Variants in CACNA2D3 observed in about 807,000 individuals in gnomAD.
CACNA2D3 encodes the protein calcium voltage-gated channel auxiliary subunit alpha2delta 3.
A neutral mutation model predicts 160.6 loss-of-function variants in CACNA2D3; 60 were observed. The observed-to-expected ratio is 0.37, with a 90% CI of 0.30 to 0.46. The LOEUF is 0.46. CACNA2D3 is among the 20% of genes least tolerant of loss of function. The pLI, the probability that CACNA2D3 is intolerant of heterozygous loss-of-function variation, is 1.00. For missense variants in CACNA2D3, 1,205 were observed against 1,365.0 expected (o/e 0.88, Z 1.85); for synonymous variants, 558 against 492.9 (o/e 1.13, Z -1.75).
chr3:54,871,535 C>A lies in CACNA2D3; in HGVS notation c.1627-4C>A. On this transcript the variant is annotated splice_polypyrimidine_tract_variant and splice_region_variant and intron_variant, in intron 17 of 37. Coordinates refer to ENST00000474759, the MANE Select transcript of CACNA2D3 (RefSeq NM_018398.3). ...TCTTTTCTTTTTCTTCTTCCCCTTGCTAGTACGAAGAAGGAAAAAAGCGAA... is the reference window on the plus strand; with the variant it reads ...TCTTTTCTTTTTCTTCTTCCCCTTGATAGTACGAAGAAGGAAAAAAGCGAA... 6.2e-7 allele frequency: 1 copy of A among 1,606,802 alleles called. No homozygotes were observed. The highest frequency in any genetic ancestry group is 8.5e-7 in the Non-Finnish European group (1 of 1,173,594).
At chr3:54,253,146 A>G (rs1702228537) in intron 2 of CACNA2D3, among the ~76,000 whole-genome samples, 1 of 151,122 alleles carries the variant, frequency 6.6e-6, no homozygotes, top group South Asian at 2.1e-4. Flanking sequence ...TTGTTTTAAA[A>G]TACTATAATG....
chr3:54,135,082 TTC>T (rs1699791332), intron 2 of CACNA2D3, among the ~76,000 whole-genome samples: 1 of 152,196 alleles, frequency 6.6e-6, no homozygotes, highest in African/African-American at 2.4e-5. Flanking sequence ...GAATTTTAAT[TTC>T]TGTTCCCTTC....
At chr3:54,710,924 G>C (rs527858284) in intron 11 of CACNA2D3, among the ~76,000 whole-genome samples, 1 of 152,284 alleles carries the variant, frequency 6.6e-6, no homozygotes, top group East Asian at 1.9e-4. Flanking sequence ...AGGCCCAGCT[G>C]AGGAGGCAAT....
chr3:54,881,320 C>T (rs371672705), intron 21 of CACNA2D3, among the ~76,000 whole-genome samples: 4 of 152,092 alleles, frequency 2.6e-5, no homozygotes, highest in African/African-American at 9.7e-5. Flanking sequence ...CACAGTTGAG[C>T]CACGTATTTC....
At chr3:54,683,254 A>G (rs1028619645) in intron 11 of CACNA2D3, among the ~76,000 whole-genome samples, 1 of 152,186 alleles carries the variant, frequency 6.6e-6, no homozygotes, top group African/African-American at 2.4e-5. Flanking sequence ...GCAGCTCCCC[A>G]CAGATAGAGG....
chr3:54,906,041 G>A (rs1231857592), intron 27 of CACNA2D3, among the ~76,000 whole-genome samples: 1 of 152,138 alleles, frequency 6.6e-6, no homozygotes, highest in African/African-American at 2.4e-5. Flanking sequence ...GGCACTGTTG[G>A]CATCGATGTC....
At chr3:55,040,247 G>C (rs1703927842) in intron 35 of CACNA2D3, among the ~76,000 whole-genome samples, 1 of 152,046 alleles carries the variant, frequency 6.6e-6, no homozygotes, top group South Asian at 2.1e-4. Context: ...TGTCTCTAAA[G>C]ACCATCACAT....
rs561244865 is a variant in CACNA2D3 at position 54,758,468 on chromosome 3, C to T, written c.1247-5750C>T. On this transcript the variant is annotated intron_variant, in intron 12 of 37. Transcript: ENST00000474759. ...AACACCATGAATATGGGTTCTTCTG[C>T]TCTCAGCACTCAACAGACCTCTTGC... 1.4e-3 allele frequency among the ~76,000 whole-genome samples: 218 copies of T among 152,172 alleles called. 1 individual carries two copies. The highest frequency in any genetic ancestry group is 5.0e-3 in the African/African-American group (206 of 41,516).
chr3:54,158,928 A>G (rs1363487838), intron 2 of CACNA2D3, among the ~76,000 whole-genome samples: 4 of 152,166 alleles, frequency 2.6e-5, no homozygotes, highest in African/African-American at 9.7e-5. Context: ...TTGTCGTATG[A>G]CTTACTTTGG....
chr3:54,123,412 A>T (rs1699517389), intron 1 of CACNA2D3, 101 bp from the exon 2 acceptor site: 1 of 833,544 alleles, frequency 1.2e-6, no homozygotes, highest in Non-Finnish European at 2.1e-6. Flanking sequence ...GTTACATCGC[A>T]CTGCTCCTTC....
intron 10 of CACNA2D3, chr3:54,637,974 C>A (rs117951839): frequency 1.3e-5 from 2 of 152,046 alleles, no homozygotes; most frequent in African/African-American, 4.8e-5. Flanking sequence ...TCTGGAGAAA[C>A]GTCTGGCTGC....
intron 11 of CACNA2D3, among the ~76,000 whole-genome samples, chr3:54,715,179 C>A (rs1358550165): frequency 3.3e-5 from 5 of 152,178 alleles, no homozygotes; most frequent in Non-Finnish European, 7.4e-5. Context: ...ACAACCTCAT[C>A]CTTGAGATCT....
chr3:54,618,525 T>C (rs1356728867), intron 9 of CACNA2D3, among the ~76,000 whole-genome samples: 1 of 151,964 alleles, frequency 6.6e-6, no homozygotes, highest in Admixed American at 6.6e-5. Context: ...CAGAGATCAT[T>C]GAAACACATT....
intron 2 of CACNA2D3, among the ~76,000 whole-genome samples, chr3:54,238,728 A>G (rs112258413): frequency 1.1e-4 from 16 of 152,342 alleles, no homozygotes; most frequent in African/African-American, 3.8e-4. Context: ...AAGAGCTGCT[A>G]TGAAGACCCC....
chr3:54,905,872 T>C (rs79334465), intron 27 of CACNA2D3, among the ~76,000 whole-genome samples: 1 of 152,324 alleles, frequency 6.6e-6, no homozygotes, highest in East Asian at 1.9e-4. Flanking sequence ...TTTTTCCTTA[T>C]AGACTAACAA....
chr3:54,707,696 C>A (rs946300047), intron 11 of CACNA2D3, among the ~76,000 whole-genome samples: 1 of 152,212 alleles, frequency 6.6e-6, no homozygotes, highest in African/African-American at 2.4e-5. Context: ...TGTCCATAGG[C>A]TTTTGCTGAC....
intron 5 of CACNA2D3, among the ~76,000 whole-genome samples, chr3:54,541,043 C>A (rs1227689711): frequency 6.6e-6 from 1 of 151,828 alleles, no homozygotes; most frequent in Non-Finnish European, 1.5e-5. Context: ...TTTGGGAGGC[C>A]AAGGTGGGCA....
rs74984030 is a variant in CACNA2D3, at chr3:54,771,924, A to G, written c.1380+7573A>G. On this transcript the variant is annotated intron_variant, in intron 13 of 37. Coordinates refer to ENST00000474759, the MANE Select transcript of CACNA2D3 (RefSeq NM_018398.3). The stretch of plus-strand genomic sequence containing the variant: ...AAAGATAATGCCAGAAGGAAATGCA[A>G]CCATATCTCCTGCAAACTGTCAAGA... Among the ~76,000 whole-genome samples the G allele has an allele frequency of 3.0e-3, 455 of 152,132 alleles. 2 individuals carry two copies. Among genetic ancestry groups the G allele is most frequent in the African/African-American group, 0.01 (433 of 41,484 alleles).
chr3:54,972,408 C>G (rs187824860), intron 29 of CACNA2D3, among the ~76,000 whole-genome samples: 1 of 152,290 alleles, frequency 6.6e-6, no homozygotes, highest in Admixed American at 6.5e-5. Context: ...AGGCCCCTTT[C>G]CATTGTTTCA....
Sources: gnomAD v4.1 joint callset for allele counts (sites outside exome capture counted in the v4.1 genomes callset) on GRCh38, gnomAD v4.1.1 for gene constraint, MANE v1.5 for transcripts, NCBI Gene and HGNC (gene_info 2026-07-23, HGNC 2026-07-21) for gene names.